The following PDE4B variants were observed in gnomAD, a reference collection of about 807,000 sequenced individuals.
PDE4B encodes the protein 3',5'-cyclic-AMP phosphodiesterase 4B.
In PDE4B, 20 loss-of-function variants were observed where a neutral mutation model predicts 82.2. The ratio of observed to expected loss-of-function variants is 0.24; its 90% CI spans 0.17 to 0.35. The LOEUF is 0.35. Ranked by LOEUF, PDE4B falls within the 10% of genes least tolerant of loss-of-function variation. The pLI, the probability that PDE4B is intolerant of heterozygous loss-of-function variation, is 1.00. For synonymous variants in PDE4B, 320 were observed against 318.9 expected (o/e 1.00, Z -0.04); for missense variants, 655 against 907.2 (o/e 0.72, Z 3.57).
Position 65,845,581 on chromosome 1 carries a change from G to A in PDE4B, c.-71+52333G>A, listed in dbSNP as rs114335853. The stretch of plus-strand genomic sequence containing the variant: ...GATGAATAAGCTCTTCTGGTTTAAG[G>A]AAATGTGGGCGGAATGAAGGAATAG... On this transcript the variant is annotated intron_variant, in intron 1 of 16. Coordinates refer to ENST00000341517, the MANE Select transcript of PDE4B (RefSeq NM_002600.4). 3.6e-3 allele frequency among the ~76,000 whole-genome samples: 541 copies of A among 152,244 alleles called. 3 individuals are homozygous for A. Among genetic ancestry groups the A allele is most frequent in the African/African-American group, 0.012 (517 of 41,550 alleles).
intron 3 of PDE4B, among the ~76,000 whole-genome samples, chr1:66,088,013 TATA>T (rs1199899086): frequency 6.6e-6 from 1 of 151,656 alleles, no homozygotes; most frequent in Non-Finnish European, 1.5e-5. Flanking sequence ...AAACTTAAAG[TATA>T]ATAATAATAA....
intron 3 of PDE4B, among the ~76,000 whole-genome samples, chr1:65,936,206 T>G (rs1308768739): frequency 6.6e-6 from 1 of 152,082 alleles, no homozygotes; most frequent in Non-Finnish European, 1.5e-5. Flanking sequence ...AGTTGCCATC[T>G]CCTAGGATAA....
At chr1:66,305,449 G>T (rs1041435871) in intron 7 of PDE4B, among the ~76,000 whole-genome samples, 4 of 152,096 alleles carry the variant, frequency 2.6e-5, no homozygotes, top group Non-Finnish European at 5.9e-5. Context: ...TTTTTTAGTA[G>T]AAAGACTGAT....
intron 3 of PDE4B, among the ~76,000 whole-genome samples, chr1:66,202,470 T>G (rs1465278117): frequency 6.6e-5 from 10 of 152,028 alleles, no homozygotes; most frequent in South Asian, 2.1e-4. Context: ...CATTATTATT[T>G]TGTGGGAGTC....
At chr1:65,886,769 C>T (rs1201124615) in intron 1 of PDE4B, among the ~76,000 whole-genome samples, 1 of 152,082 alleles carries the variant, frequency 6.6e-6, no homozygotes, top group African/African-American at 2.4e-5. Context: ...TTTTCTCAAT[C>T]CATTTGTTTA....
At chr1:66,297,731 C>T (rs1481693383) in intron 7 of PDE4B, among the ~76,000 whole-genome samples, 2 of 152,110 alleles carry the variant, frequency 1.3e-5, no homozygotes, top group African/African-American at 4.8e-5. Context: ...TACCTCTCAA[C>T]ACTATTGATT....
intron 7 of PDE4B, among the ~76,000 whole-genome samples, chr1:66,314,037 A>G (rs1052419651): frequency 2.0e-5 from 3 of 152,040 alleles, no homozygotes; most frequent in Admixed American, 6.6e-5. Flanking sequence ...ACAATTTTGG[A>G]CACAATTGTC....
chr1:65,942,907 T>C (rs900627509), intron 3 of PDE4B, among the ~76,000 whole-genome samples: 1 of 152,060 alleles, frequency 6.6e-6, no homozygotes, highest in Non-Finnish European at 1.5e-5. Context: ...ATTTTGGCTA[T>C]TAATCCCTTA....
intron 1 of PDE4B, among the ~76,000 whole-genome samples, chr1:65,891,693 T>A (rs1266763239): frequency 6.6e-6 from 1 of 152,126 alleles, no homozygotes; most frequent in East Asian, 1.9e-4. Flanking sequence ...ATGGATTTAA[T>A]ACTAAAATGC....
chr1:65,911,569 A>G (rs1647091668), intron 1 of PDE4B, among the ~76,000 whole-genome samples: 2 of 151,938 alleles, frequency 1.3e-5, no homozygotes, highest in Admixed American at 6.6e-5. Flanking sequence ...AATATTGACT[A>G]TAACCCTGAT....
At chr1:65,808,912 G>C (rs1203708238) in intron 1 of PDE4B, among the ~76,000 whole-genome samples, 1 of 152,178 alleles carries the variant, frequency 6.6e-6, no homozygotes, top group Non-Finnish European at 1.5e-5. Context: ...CAACTTAAGA[G>C]TAGCTCATTT....
rs191746859 is a variant in PDE4B, at chr1:66,300,503, G to A, written c.635-32005G>A. ...TCTCATTTCACATGTGAGGGAGGGCGATTTGGAGTGACTTCTGTGCACTTA... is the reference window on the plus strand; with the variant it reads ...TCTCATTTCACATGTGAGGGAGGGCAATTTGGAGTGACTTCTGTGCACTTA... On this transcript the variant is annotated intron_variant, in intron 7 of 16. Coordinates refer to ENST00000341517, the MANE Select transcript of PDE4B (RefSeq NM_002600.4). Among the ~76,000 whole-genome samples, 8 of 152,274 alleles carry A rather than the reference G, an allele frequency of 5.3e-5. No individual in the cohort carries two copies. In the South Asian group the frequency reaches 1.0e-3, roughly 20 times the overall value.
At chr1:66,058,689 T>C (rs1015701453) in intron 3 of PDE4B, among the ~76,000 whole-genome samples, 2 of 152,192 alleles carry the variant, frequency 1.3e-5, no homozygotes. Flanking sequence ...CTTGGCCCCT[T>C]TTAGTCATGG....
chr1:66,160,110 A>G (rs1646581156), intron 3 of PDE4B, among the ~76,000 whole-genome samples: 1 of 152,180 alleles, frequency 6.6e-6, no homozygotes, highest in Non-Finnish European at 1.5e-5. Context: ...GTGGGTGTTA[A>G]AAGGGGAAAA....
chr1:66,291,845 C>G (rs573974417), intron 7 of PDE4B, among the ~76,000 whole-genome samples: 1 of 152,178 alleles, frequency 6.6e-6, no homozygotes, highest in African/African-American at 2.4e-5. Context: ...GTTTCAATAT[C>G]CGAGTATCTT....
At chr1:66,069,289 CTTTT>C (rs1243703961) in intron 3 of PDE4B, among the ~76,000 whole-genome samples, 1 of 151,916 alleles carries the variant, frequency 6.6e-6, no homozygotes, top group African/African-American at 2.4e-5. Context: ...TCCTCTGTTT[CTTTT>C]TGTCTCTTAT....
chr1:66,321,838 G>A (rs1279571170), intron 7 of PDE4B, among the ~76,000 whole-genome samples: 3 of 151,998 alleles, frequency 2.0e-5, no homozygotes, highest in Non-Finnish European at 4.4e-5. Flanking sequence ...AGCTCATATG[G>A]AACCAAAAAA....
chr1:66,175,615 C>T (rs971329033), intron 3 of PDE4B, among the ~76,000 whole-genome samples: 1 of 151,968 alleles, frequency 6.6e-6, no homozygotes, highest in African/African-American at 2.4e-5. Context: ...TTTTTGGGCA[C>T]CGTGGACATT....
intron 3 of PDE4B, among the ~76,000 whole-genome samples, chr1:66,207,258 G>A (rs1021316175): frequency 1.3e-5 from 2 of 152,032 alleles, no homozygotes; most frequent in Non-Finnish European, 2.9e-5. Flanking sequence ...CAAATCATAT[G>A]TAAATTTATA....
Sources: allele counts gnomAD v4.1 joint callset (sites outside exome capture counted in the v4.1 genomes callset), GRCh38; gene constraint gnomAD v4.1.1; transcripts MANE v1.5; gene names NCBI Gene and HGNC (gene_info 2026-07-23, HGNC 2026-07-21).